Variants in KIAA1328 observed in about 807,000 individuals in gnomAD.
KIAA1328 encodes KIAA1328.
KIAA1328 carries 52 observed loss-of-function variants against 68.1 expected under a neutral mutation model. The observed-to-expected ratio is 0.76, with a 90% CI of 0.61 to 0.96. KIAA1328 has a LOEUF of 0.96. KIAA1328 is among the 40% of genes least tolerant of loss of function. The pLI is 0.00. For missense variants in KIAA1328, 641 were observed against 677.6 expected, an observed-to-expected ratio of 0.95 and a Z score of 0.60; for synonymous variants, 232 against 239.4, an observed-to-expected ratio of 0.97 and a Z score of 0.28.
intron 4 of KIAA1328, among the ~76,000 whole-genome samples, chr18:36,853,100 TG>T (rs2047267866): frequency 1.3e-5 from 2 of 152,220 alleles, no homozygotes; most frequent in African/African-American, 4.8e-5. Context: ...CAAACTAAAC[TG>T]TTTTTTGGTT....
intron 7 of KIAA1328, among the ~76,000 whole-genome samples, chr18:37,132,591 G>A (rs1343223314): frequency 6.6e-6 from 1 of 152,166 alleles, no homozygotes; most frequent in African/African-American, 2.4e-5. Flanking sequence ...TTCAGTAAAT[G>A]GGGAATATGC....
At chr18:37,142,185 TTTC>T (rs2058779653) in intron 7 of KIAA1328, among the ~76,000 whole-genome samples, 2 of 134,806 alleles carry the variant, frequency 1.5e-5, no homozygotes, top group Non-Finnish European at 3.0e-5. Flanking sequence ...GTTCATTCTT[TTTC>T]TTTTTTGTTT....
intron 6 of KIAA1328, among the ~76,000 whole-genome samples, chr18:36,977,740 T>G (rs1002937005): frequency 6.6e-6 from 1 of 152,152 alleles, no homozygotes; most frequent in Non-Finnish European, 1.5e-5. Context: ...CAGAAGGCTC[T>G]GCATATAGTC....
chr18:36,913,569 C>CACACACACACAT (rs1491555481), intron 5 of KIAA1328, among the ~76,000 whole-genome samples: 1 of 146,000 alleles, frequency 6.8e-6, no homozygotes, highest in Non-Finnish European at 1.5e-5. Flanking sequence ...CACACACACA[C>CACACACACACAT]TACTTAGAGG....
At chr18:36,992,124 T>A (rs974775191) in intron 6 of KIAA1328, among the ~76,000 whole-genome samples, 1 of 152,224 alleles carries the variant, frequency 6.6e-6, no homozygotes, top group East Asian at 1.9e-4. Flanking sequence ...CTTTTCATAG[T>A]GATTTGTAAA....
chr18:37,054,664 G>A (rs767251307), intron 6 of KIAA1328, among the ~76,000 whole-genome samples: 1 of 152,162 alleles, frequency 6.6e-6, no homozygotes, highest in African/African-American at 2.4e-5. Flanking sequence ...ACTCCAAAAT[G>A]GGAGTGGAAG....
intron 7 of KIAA1328, among the ~76,000 whole-genome samples, chr18:37,110,840 G>T (rs528077523): frequency 6.6e-6 from 1 of 152,248 alleles, no homozygotes; most frequent in African/African-American, 2.4e-5. Context: ...AGAAGAACTT[G>T]CAATTACATA....
chr18:37,010,538 A>G (rs189636945), intron 6 of KIAA1328, among the ~76,000 whole-genome samples: 1 of 151,422 alleles, frequency 6.6e-6, no homozygotes, highest in Non-Finnish European at 1.5e-5. Context: ...GTTGCTATTA[A>G]ATGTATTCAT....
intron 6 of KIAA1328, among the ~76,000 whole-genome samples, chr18:37,040,781 C>A (rs942427542): frequency 1.3e-5 from 2 of 151,140 alleles, no homozygotes; most frequent in Non-Finnish European, 3.0e-5. Context: ...AAAATATTTT[C>A]TTCCTTCCCC....
chr18:37,126,097 A>T (rs1356778820), intron 7 of KIAA1328, among the ~76,000 whole-genome samples: 2 of 152,236 alleles, frequency 1.3e-5, no homozygotes, highest in Non-Finnish European at 2.9e-5. Context: ...CTGATGGTTC[A>T]GTGTGCACAA....
intron 6 of KIAA1328, among the ~76,000 whole-genome samples, chr18:37,058,007 A>C (rs1037393791): frequency 6.6e-6 from 1 of 152,218 alleles, no homozygotes; most frequent in African/African-American, 2.4e-5. Flanking sequence ...AAAGAGAGGC[A>C]GATTTATTAG....
At chr18:36,952,799 A>G (rs757988960) in intron 5 of KIAA1328, among the ~76,000 whole-genome samples, 3 of 152,090 alleles carry the variant, frequency 2.0e-5, no homozygotes, top group Non-Finnish European at 2.9e-5. Context: ...TCTGGTTAGT[A>G]TATGATCAGA....
rs1286242458 is a variant in KIAA1328 at position 37,223,294 on chromosome 18, C to G, written c.*1067C>G. ...GTTCCACCACCCAAGCAGGGTCTCC[C>G]TACTTTTTCTCACTGGCCTCGTTTT... On this transcript the variant is annotated 3_prime_UTR_variant, in exon 10 of 10. Coordinates refer to ENST00000280020, the MANE Select transcript of KIAA1328 (RefSeq NM_020776.3). 2.0e-6 allele frequency: 2 copies of G among 985,310 alleles called. No homozygotes were observed. The highest frequency in any genetic ancestry group is 2.4e-6 in the Non-Finnish European group (2 of 830,002). The allele number at this position is 985,310 out of a possible 1,614,324, so 61.0% of individuals were successfully genotyped here.
intron 5 of KIAA1328, among the ~76,000 whole-genome samples, chr18:36,942,787 G>T (rs2050762399): frequency 6.6e-6 from 1 of 152,122 alleles, no homozygotes; most frequent in Non-Finnish European, 1.5e-5. Context: ...CATTATGTCT[G>T]TATACTGGGG....
At chr18:37,028,032 A>G (rs1568310807) in intron 6 of KIAA1328, among the ~76,000 whole-genome samples, 1 of 152,186 alleles carries the variant, frequency 6.6e-6, no homozygotes, top group South Asian at 2.1e-4. Context: ...CAACCCCATC[A>G]AAAAGTGGGT....
chr18:36,915,215 T>A (rs1232818965), intron 5 of KIAA1328, among the ~76,000 whole-genome samples: 2 of 152,174 alleles, frequency 1.3e-5, no homozygotes, highest in Non-Finnish European at 2.9e-5. Flanking sequence ...AAACTGAGAT[T>A]CCAGAACTGG....
intron 4 of KIAA1328, among the ~76,000 whole-genome samples, chr18:36,853,190 A>G (rs749735083): frequency 3.3e-5 from 5 of 152,142 alleles, no homozygotes; most frequent in Non-Finnish European, 7.4e-5. Flanking sequence ...ATTTAAAGTG[A>G]TTATCTTCTG....
At chr18:37,164,816 G>T (rs2059354058) in intron 8 of KIAA1328, among the ~76,000 whole-genome samples, 1 of 152,088 alleles carries the variant, frequency 6.6e-6, no homozygotes, top group African/African-American at 2.4e-5. Context: ...GGGTTCTATT[G>T]TCTTGTATTC....
chr18:37,061,353 G>A (rs1358014306), intron 6 of KIAA1328, among the ~76,000 whole-genome samples: 2 of 152,150 alleles, frequency 1.3e-5, no homozygotes, highest in African/African-American at 4.8e-5. Flanking sequence ...ACTAGAAAGG[G>A]CACAAGGGAA....
Sources: allele counts gnomAD v4.1 joint callset (sites outside exome capture counted in the v4.1 genomes callset), GRCh38; gene constraint gnomAD v4.1.1; transcripts MANE v1.5; gene names NCBI Gene and HGNC (gene_info 2026-07-23, HGNC 2026-07-21).